The following NR3C1 variants were observed in gnomAD, a reference collection of about 807,000 sequenced individuals.
The protein encoded by NR3C1 is glucocorticoid receptor.
NR3C1 carries 14 observed loss-of-function variants against 74.0 expected under a neutral mutation model. The ratio of observed to expected loss-of-function variants is 0.19; its 90% CI spans 0.12 to 0.30. NR3C1 has a LOEUF of 0.30. Among genes scored for constraint, NR3C1 ranks in the 10% least tolerant of loss-of-function variants. The pLI, the probability that NR3C1 is intolerant of heterozygous loss-of-function variation, is 1.00. For missense variants in NR3C1, 695 were observed against 909.8 expected (o/e 0.76, Z 3.04); for synonymous variants, 308 against 332.5 (o/e 0.93, Z 0.80).
chr5:143,343,653 T>C (rs1828663926), intron 2 of NR3C1, among the ~76,000 whole-genome samples: 1 of 152,240 alleles, frequency 6.6e-6, no homozygotes. Flanking sequence ...GAATATGCCA[T>C]ATGCTTCCTC....
intron 2 of NR3C1, among the ~76,000 whole-genome samples, chr5:143,337,036 C>G (rs145500647): frequency 0.014 from 2,090 of 151,516 alleles, 20 homozygotes; most frequent in Middle Eastern, 0.048. Context: ...TGTGTGCGCA[C>G]ACACACATAT....
At chr5:143,402,914 G>A (rs1030025700) in intron 1 of NR3C1, 1 of 894,924 alleles carries the variant, frequency 1.1e-6, no homozygotes. Flanking sequence ...TTCCCGCGAG[G>A]AATGAGAGGC....
At chr5:143,296,041 T>C (rs548461900) in intron 6 of NR3C1, among the ~76,000 whole-genome samples, 3 of 152,328 alleles carry the variant, frequency 2.0e-5, no homozygotes, top group East Asian at 1.9e-4. Context: ...TTCACAGTTA[T>C]GCAGAGGGCG....
At chr5:143,305,156 T>C (rs982341102) in intron 4 of NR3C1, among the ~76,000 whole-genome samples, 7 of 152,118 alleles carry the variant, frequency 4.6e-5, no homozygotes, top group African/African-American at 1.7e-4. Flanking sequence ...CCAGAGTTTA[T>C]ATGGAACTTA....
chr5:143,365,244 A>C (rs1832979473), intron 2 of NR3C1, among the ~76,000 whole-genome samples: 1 of 152,236 alleles, frequency 6.6e-6, no homozygotes, highest in Non-Finnish European at 1.5e-5. Context: ...TCAATGGTTT[A>C]AACTCCCCAA....
At chr5:143,282,541 A>G (rs1813339590) in intron 8 of NR3C1, 27 bp downstream of exon 8, 1 of 1,613,258 alleles carries the variant, frequency 6.2e-7, no homozygotes, top group Non-Finnish European at 8.5e-7. Context: ...GAAAACTCTT[A>G]TATTTGGCTT....
chr5:143,403,760 C>T (rs1002055985), upstream of NR3C1: 1 of 984,424 alleles, frequency 1.0e-6, no homozygotes, highest in Non-Finnish European at 1.2e-6. Flanking sequence ...AGGGGCCGCG[C>T]GGCGGCCGCG....
intron 2 of NR3C1, among the ~76,000 whole-genome samples, chr5:143,399,425 C>T (rs1275779797): frequency 1.3e-5 from 2 of 152,090 alleles, no homozygotes; most frequent in Non-Finnish European, 2.9e-5. Context: ...AAATCCTCAC[C>T]GTTGGCCAAT....
At chr5:143,343,319 T>C (rs1209481166) in intron 2 of NR3C1, among the ~76,000 whole-genome samples, 6 of 152,180 alleles carry the variant, frequency 3.9e-5, no homozygotes, top group Non-Finnish European at 8.8e-5. Flanking sequence ...TGGTAACTCA[T>C]GGATAAAGCT....
intron 2 of NR3C1, among the ~76,000 whole-genome samples, chr5:143,388,483 C>T (rs760421324): frequency 1.1e-4 from 17 of 152,180 alleles, no homozygotes; most frequent in Non-Finnish European, 2.2e-4. Context: ...CTATTCTAGA[C>T]GCTGGCATAC....
At chr5:143,402,768 C>T in intron 1 of NR3C1, 1 of 985,386 alleles carries the variant, frequency 1.0e-6, no homozygotes, top group Non-Finnish European at 1.2e-6. Context: ...CGGGCTCGCG[C>T]TCGGGCGCGC....
upstream of NR3C1, among the ~76,000 whole-genome samples, chr5:143,408,543 T>C (rs1274789287): frequency 6.6e-6 from 1 of 151,604 alleles, no homozygotes; most frequent in Non-Finnish European, 1.5e-5. Flanking sequence ...TTTTTTTTTT[T>C]CTGATTTTGG....
intron 3 of NR3C1, among the ~76,000 whole-genome samples, chr5:143,313,730 T>A (rs1001125077): frequency 6.6e-6 from 1 of 152,196 alleles, no homozygotes; most frequent in East Asian, 1.9e-4. Context: ...CACCATCATT[T>A]CATATGATAG....
chr5:143,328,840 C>T (rs531001865), intron 2 of NR3C1, among the ~76,000 whole-genome samples: 2 of 152,170 alleles, frequency 1.3e-5, no homozygotes, highest in Non-Finnish European at 2.9e-5. Flanking sequence ...ACCATTTCAG[C>T]CTGGACTTCA....
intron 2 of NR3C1, among the ~76,000 whole-genome samples, chr5:143,351,505 TCTC>T (rs1354280831): frequency 6.6e-6 from 1 of 152,194 alleles, no homozygotes; most frequent in Non-Finnish European, 1.5e-5. Flanking sequence ...TGTCCAGGGC[TCTC>T]TTCATTTATT....
intron 1 of NR3C1, chr5:143,401,191 G>C (rs1840209726): frequency 3.4e-6 from 1 of 293,390 alleles, no homozygotes; most frequent in South Asian, 4.0e-5. Context: ...TGATTATTCT[G>C]AAGGTTCAAG....
At chr5:143,354,419 G>C (rs995206993) in intron 2 of NR3C1, among the ~76,000 whole-genome samples, 11 of 152,148 alleles carry the variant, frequency 7.2e-5, no homozygotes, top group Non-Finnish European at 1.6e-4. Context: ...TTTATTTAAA[G>C]TGAGAGACAT....
At chr5:143,424,547 C>A (rs560519065) in intron 1 of NR3C1, among the ~76,000 whole-genome samples, 35 of 152,076 alleles carry the variant, frequency 2.3e-4, no homozygotes, top group East Asian at 2.1e-3. Flanking sequence ...AGAAAAAAAA[C>A]CCCTATATAC....
At chr5:143,387,109 G>C (rs1837371784) in intron 2 of NR3C1, among the ~76,000 whole-genome samples, 1 of 152,212 alleles carries the variant, frequency 6.6e-6, no homozygotes, top group African/African-American at 2.4e-5. Context: ...GTTTGAACTA[G>C]GGTGTGGCCA....
Sources: gnomAD v4.1 joint callset for allele counts (sites outside exome capture counted in the v4.1 genomes callset) on GRCh38, gnomAD v4.1.1 for gene constraint, MANE v1.5 for transcripts, NCBI Gene and HGNC (gene_info 2026-07-23, HGNC 2026-07-21) for gene names.